Variants in PUM2 observed in about 807,000 individuals in gnomAD.
PUM2 encodes the protein pumilio RNA binding family member 2.
A neutral mutation model predicts 124.5 loss-of-function variants in PUM2; 57 were observed. That is an observed-to-expected ratio of 0.46 (90% confidence interval 0.37 to 0.57). The LOEUF is 0.57. PUM2 is among the 20% of genes least tolerant of loss of function. PUM2 has a pLI of 0.00. For synonymous variants in PUM2, 460 were observed against 446.1 expected, an observed-to-expected ratio of 1.03 and a Z score of -0.39; for missense variants, 1,065 against 1,290.6, an observed-to-expected ratio of 0.83 and a Z score of 2.68.
At chr2:20,331,604 G>C (rs1290060705) in intron 1 of PUM2, 1 of 121,260 alleles carries the variant, frequency 8.2e-6, no homozygotes, top group Non-Finnish European at 1.7e-5. Flanking sequence ...GTTAAAACCA[G>C]TATCGAAAGC....
chr2:20,345,835 G>A lies in PUM2; in HGVS notation c.-19+4762C>T, dbSNP rs375122121. 3.4e-4 allele frequency among the ~76,000 whole-genome samples: 52 copies of A among 152,312 alleles called. No homozygotes were observed. The South Asian group carries it at 9.9e-3, about 29-fold the overall frequency. On this transcript the variant is annotated intron_variant, in intron 1 of 20. Transcript: ENST00000361078. ...TGCAGTGAGCCGAGATCACGCCATT[G>A]TACTCCAGCCTGGGCAACAAGAGCG... is the stretch of plus-strand genomic sequence containing the variant.
Position 20,254,942 on chromosome 2 carries a change from C to T in PUM2, c.2791G>A (p.Gly931Ser), listed in dbSNP as rs763456342. The T allele has an allele frequency of 2.0e-5, 33 of 1,613,554 alleles. No homozygotes were observed. The Middle Eastern group carries it at 4.9e-4, about 24-fold the overall frequency. Reference protein sequence around the residue: ...NYVIQHVLEHGRPEDKSKIVS... With the variant: ...NYVIQHVLEHSRPEDKSKIVS... The stretch of plus-strand genomic sequence containing the variant: ...ATTTTGCTCTTGTCTTCAGGTCGAC[C>T]GTGTTCCAGTACATGCTGAATAACA... Residue 931 changes from glycine (G) to serine (S), a missense_variant, in exon 19 of 21, where the codon GGT becomes AGT. Gly to Ser is a moderately conservative substitution (Grantham distance 56). Around this residue, in one of 3 missense-constraint regions of PUM2, gnomAD observed 968 missense variants for 1,159.8 expected, o/e 0.83. Transcript: ENST00000361078.
chr2:20,319,674 C>A (rs113475561), intron 2 of PUM2, among the ~76,000 whole-genome samples: 1 of 152,096 alleles, frequency 6.6e-6, no homozygotes, highest in Non-Finnish European at 1.5e-5. Context: ...CATTAATAAA[C>A]GCAAAACTTG....
intron 13 of PUM2, among the ~76,000 whole-genome samples, chr2:20,271,511 G>C (rs532757623): frequency 6.6e-6 from 1 of 151,916 alleles, no homozygotes; most frequent in Non-Finnish European, 1.5e-5. Flanking sequence ...ACGGGGTTTC[G>C]CCACATTGCC....
At chr2:20,289,544 A>AT (rs1368151769) in intron 10 of PUM2, among the ~76,000 whole-genome samples, 3 of 152,220 alleles carry the variant, frequency 2.0e-5, no homozygotes, top group Non-Finnish European at 4.4e-5. Flanking sequence ...TGGCTGGGGT[A>AT]TAAAAAATAA....
At chr2:20,265,197 A>G (rs1667357767) in intron 13 of PUM2, among the ~76,000 whole-genome samples, 1 of 151,644 alleles carries the variant, frequency 6.6e-6, no homozygotes, top group Non-Finnish European at 1.5e-5. Context: ...GGTTGCAGTG[A>G]GCAGAGATTG....
rs920558944 is a variant in PUM2, at chr2:20,249,546, A to C, written c.*2039T>G. On this transcript the variant is annotated 3_prime_UTR_variant, in exon 21 of 21. Coordinates refer to ENST00000361078, the MANE Select transcript of PUM2 (RefSeq NM_015317.5). ...TAAAATAACTCAACACCAAACATGA[A>C]AAAGTATGCCTGGCATCCCCAAACT... is the stretch of plus-strand genomic sequence containing the variant. The C allele has an allele frequency of 6.5e-6, 1 of 152,672 alleles. No individual in the cohort carries two copies. Among genetic ancestry groups the C allele is most frequent in the Non-Finnish European group, 1.5e-5 (1 of 68,040 alleles). The allele number at this position is 152,672 out of a possible 1,614,324, so 9.5% of individuals were successfully genotyped here.
chr2:20,305,652 T>C (rs1397512279), intron 7 of PUM2, among the ~76,000 whole-genome samples: 5 of 152,022 alleles, frequency 3.3e-5, no homozygotes, highest in African/African-American at 1.2e-4. Context: ...AATTATTATA[T>C]ACAAGTCTTT....
chr2:20,315,848 A>C (rs1558628459), intron 3 of PUM2, among the ~76,000 whole-genome samples: 2 of 151,276 alleles, frequency 1.3e-5, no homozygotes, highest in Admixed American at 6.6e-5. Context: ...AAAAAAAAAA[A>C]AAAAAAAAAA....
At position 20,249,344 on chromosome 2, in the gene PUM2, T is replaced by C. The variant is rs982334235; in HGVS notation, c.*2241A>G. 6.6e-6 allele frequency: 1 copy of C among 152,238 alleles called. No individual in the cohort carries two copies. Among genetic ancestry groups the C allele is most frequent in the Non-Finnish European group, 1.5e-5 (1 of 67,984 alleles). 9.4% of individuals were successfully genotyped at this position (152,238 alleles called of 1,614,324 possible). The stretch of plus-strand genomic sequence containing the variant: ...CGATACGGGCCGAAATACTCTGAGG[T>C]TGGTAAAGTAGGAAAAAGTGAGACA... On this transcript the variant is annotated 3_prime_UTR_variant, in exon 21 of 21. Coordinates refer to ENST00000361078, the MANE Select transcript of PUM2 (RefSeq NM_015317.5).
chr2:20,318,263 T>C (rs1681482526), intron 3 of PUM2, among the ~76,000 whole-genome samples: 1 of 152,226 alleles, frequency 6.6e-6, no homozygotes, highest in Non-Finnish European at 1.5e-5. Flanking sequence ...AAAATCTTAC[T>C]GTGACAAACA....
At chr2:20,321,349 G>A (rs1682315735) in intron 2 of PUM2, among the ~76,000 whole-genome samples, 1 of 152,148 alleles carries the variant, frequency 6.6e-6, no homozygotes, top group South Asian at 2.1e-4. Flanking sequence ...GCGGGGGGGA[G>A]GGGAGTCTGT....
chr2:20,267,387 GGAGA>G (rs1223694838), intron 13 of PUM2, among the ~76,000 whole-genome samples: 1 of 152,082 alleles, frequency 6.6e-6, no homozygotes, highest in Admixed American at 6.6e-5. Flanking sequence ...AAGAAGAGAG[GGAGA>G]GAGAATCATA....
At chr2:20,278,968 T>C (rs1041985411) in intron 12 of PUM2, 149 bp from the exon 13 acceptor site, 20 of 630,820 alleles carry the variant, frequency 3.2e-5, no homozygotes, top group South Asian at 3.1e-4. Flanking sequence ...TAACTATATA[T>C]ACTAACTTAT....
At chr2:20,255,731 C>T (rs1664616838) in intron 17 of PUM2, among the ~76,000 whole-genome samples, 1 of 152,152 alleles carries the variant, frequency 6.6e-6, no homozygotes, top group Admixed American at 6.5e-5. Context: ...TTTCTCCAAA[C>T]CTCCTTCCCT....
intron 2 of PUM2, among the ~76,000 whole-genome samples, chr2:20,320,794 T>G (rs912440690): frequency 6.6e-6 from 1 of 152,092 alleles, no homozygotes; most frequent in Non-Finnish European, 1.5e-5. Context: ...TCTAGTAATA[T>G]GAATACTAAA....
intron 1 of PUM2, among the ~76,000 whole-genome samples, chr2:20,332,713 T>C (rs898048406): frequency 2.6e-5 from 4 of 152,184 alleles, no homozygotes; most frequent in African/African-American, 9.7e-5. Flanking sequence ...ATAAAAAAGT[T>C]GGAATTTGGA....
chr2:20,275,815 A>G (rs1215641794), intron 13 of PUM2, among the ~76,000 whole-genome samples: 2 of 152,098 alleles, frequency 1.3e-5, no homozygotes, highest in Non-Finnish European at 2.9e-5. Context: ...AAGTTTCTTC[A>G]TCAAATAAAT....
At chr2:20,271,805 A>G (rs187113755) in intron 13 of PUM2, among the ~76,000 whole-genome samples, 1 of 152,370 alleles carries the variant, frequency 6.6e-6, no homozygotes, top group African/African-American at 2.4e-5. Flanking sequence ...TAAAAAGTTT[A>G]CAAAGATGTG....
Sources: allele counts gnomAD v4.1 joint callset (sites outside exome capture counted in the v4.1 genomes callset), GRCh38; gene constraint gnomAD v4.1.1; regional missense constraint gnomAD v4.1.1; transcripts MANE v1.5; gene names NCBI Gene and HGNC (gene_info 2026-07-23, HGNC 2026-07-21).